Variants in NRXN3 observed in about 807,000 individuals in gnomAD.
NRXN3 encodes neurexin III.
NRXN3 carries 32 observed loss-of-function variants against 137.6 expected under a neutral mutation model. The observed-to-expected ratio is 0.23, with a 90% CI of 0.18 to 0.31. NRXN3 has a LOEUF of 0.31. Among genes scored for constraint, NRXN3 ranks in the 10% least tolerant of loss-of-function variants. The probability of loss-of-function intolerance (pLI) is 1.00; values close to 1 mark genes in which losing one functional copy is unlikely to be tolerated. For synonymous variants in NRXN3, 798 were observed against 784.5 expected (o/e 1.02, Z -0.29); for missense variants, 1,574 against 2,062.5 (o/e 0.76, Z 4.59).
intron 1 of NRXN3, among the ~76,000 whole-genome samples, chr14:78,207,602 C>T (rs967338761): frequency 8.5e-5 from 13 of 152,156 alleles, no homozygotes; most frequent in African/African-American, 2.4e-4. Context: ...CCCAAGTCTG[C>T]GTGTCATCAT....
Position 79,378,902 on chromosome 14 carries a change from C to G in NRXN3, c.3263-88319C>G, listed in dbSNP as rs114824179. On this transcript the variant is annotated intron_variant, in intron 15 of 20. Coordinates refer to ENST00000335750, the MANE Select transcript of NRXN3 (RefSeq NM_001330195.2). ...AAAAAAAAAAAAAAACCCTGAAGAG[C>G]TAAGCTTAAGCCACTATTTAGGCTT... Among the ~76,000 whole-genome samples, 1,011 of 150,490 alleles carry G rather than the reference C, an allele frequency of 6.7e-3. 5 individuals carry two copies. Among genetic ancestry groups the G allele is most frequent in the African/African-American group, 0.023 (962 of 41,076 alleles).
At chr14:78,510,340 C>T (rs2096078865) in intron 4 of NRXN3, among the ~76,000 whole-genome samples, 3 of 151,748 alleles carry the variant, frequency 2.0e-5, no homozygotes, top group African/African-American at 7.3e-5. Flanking sequence ...TTAACATTAC[C>T]AAACTGGTTA....
chr14:78,631,721 C>T (rs2097524486), intron 4 of NRXN3, among the ~76,000 whole-genome samples: 1 of 152,100 alleles, frequency 6.6e-6, no homozygotes, highest in Admixed American at 6.6e-5. Flanking sequence ...GACCTTAGCC[C>T]TCTGGTGTCA....
rs781364148 is a variant in NRXN3, at chr14:78,649,183, G to A, written c.1060-1982G>A. ...CCGACTAATGTACTAACACCCTAACGACTCATCTTTGTTTTTAGTTTTTTT... is the reference window on the plus strand; with the variant it reads ...CCGACTAATGTACTAACACCCTAACAACTCATCTTTGTTTTTAGTTTTTTT... On this transcript the variant is annotated intron_variant, in intron 5 of 20. Coordinates refer to ENST00000335750, the MANE Select transcript of NRXN3 (RefSeq NM_001330195.2). 236 of 892,370 alleles carry A rather than the reference G, an allele frequency of 2.6e-4. 2 individuals carry two copies. The highest frequency in any genetic ancestry group is 3.0e-4 in the South Asian group (22 of 72,324). The allele number at this position is 892,370 out of a possible 1,614,324, so 55.3% of individuals were successfully genotyped here.
At position 79,514,067 on chromosome 14, in the gene NRXN3, T is replaced by C. The variant is rs377025016; in HGVS notation, c.3444+46665T>C. 2.6e-5 allele frequency among the ~76,000 whole-genome samples: 4 copies of C among 152,302 alleles called. No homozygotes were observed. The East Asian group carries it at 5.8e-4, about 22-fold the overall frequency. On this transcript the variant is annotated intron_variant, in intron 16 of 20. Transcript: ENST00000335750. ...ATGCAACCTGCTTCTAAACAAGTGT[T>C]TCTTTCATAGGACTGAATCAGGAAA... is the stretch of plus-strand genomic sequence containing the variant.
intron 16 of NRXN3, among the ~76,000 whole-genome samples, chr14:79,591,910 A>C (rs1352914412): frequency 6.7e-6 from 1 of 148,378 alleles, no homozygotes; most frequent in Non-Finnish European, 1.5e-5. Flanking sequence ...CTTTGGTCTT[A>C]ACTTTTATTT....
chr14:79,393,675 C>T (rs569081446), intron 15 of NRXN3, among the ~76,000 whole-genome samples: 14 of 152,096 alleles, frequency 9.2e-5, no homozygotes, highest in Admixed American at 6.5e-4. Flanking sequence ...ATTAACCGGG[C>T]GTGGTGGCGG....
At chr14:79,272,763 G>A (rs991649274) in intron 15 of NRXN3, among the ~76,000 whole-genome samples, 26 of 152,190 alleles carry the variant, frequency 1.7e-4, no homozygotes, top group Non-Finnish European at 2.9e-5. Flanking sequence ...AGTTGGCTTG[G>A]AGGACATTTA....
intron 2 of NRXN3, among the ~76,000 whole-genome samples, chr14:78,251,714 G>A (rs1223438772): frequency 6.6e-6 from 1 of 152,212 alleles, no homozygotes; most frequent in Non-Finnish European, 1.5e-5. Context: ...AGATGTCTAG[G>A]ATATCCACTG....
chr14:79,165,375 A>G (rs1487084258), intron 15 of NRXN3, among the ~76,000 whole-genome samples: 1 of 152,038 alleles, frequency 6.6e-6, no homozygotes, highest in Non-Finnish European at 1.5e-5. Flanking sequence ...TAGAGGTGTC[A>G]TAACTGTGAA....
At chr14:79,438,944 C>T (rs144867250) in intron 15 of NRXN3, among the ~76,000 whole-genome samples, 8 of 152,362 alleles carry the variant, frequency 5.3e-5, no homozygotes, top group African/African-American at 1.4e-4. Context: ...AAGCCTGTTG[C>T]ACACAGTTTC....
intron 4 of NRXN3, among the ~76,000 whole-genome samples, chr14:78,571,719 C>A (rs780063119): frequency 6.6e-6 from 1 of 152,192 alleles, no homozygotes; most frequent in Non-Finnish European, 1.5e-5. Context: ...TCACGCAACA[C>A]AAAGTGCACG....
At chr14:78,391,618 G>T (rs374449996) in intron 4 of NRXN3, among the ~76,000 whole-genome samples, 6 of 152,126 alleles carry the variant, frequency 3.9e-5, no homozygotes, top group East Asian at 3.9e-4. Flanking sequence ...GTGCTATAAA[G>T]GATTGCTGTA....
chr14:78,377,968 AT>A (rs967189680), intron 4 of NRXN3, among the ~76,000 whole-genome samples: 1 of 152,198 alleles, frequency 6.6e-6, no homozygotes, highest in African/African-American at 2.4e-5. Context: ...CAGAATACAT[AT>A]TTTTTTGCAG....
chr14:78,627,732 A>G (rs1006103585), intron 4 of NRXN3, among the ~76,000 whole-genome samples: 1 of 152,234 alleles, frequency 6.6e-6, no homozygotes, highest in Non-Finnish European at 1.5e-5. Context: ...TTACTTTGGG[A>G]AAGCATGAAA....
intron 10 of NRXN3, among the ~76,000 whole-genome samples, chr14:78,827,081 C>T (rs2098968797): frequency 1.3e-5 from 2 of 152,124 alleles, no homozygotes; most frequent in Non-Finnish European, 2.9e-5. Flanking sequence ...CAAATATTAT[C>T]TTCCTCAGAT....
intron 4 of NRXN3, among the ~76,000 whole-genome samples, chr14:78,387,630 A>C (rs1159833004): frequency 6.6e-6 from 1 of 152,190 alleles, no homozygotes; most frequent in African/African-American, 2.4e-5. Context: ...ACAATCAGTC[A>C]ATGAATAGTG....
intron 4 of NRXN3, among the ~76,000 whole-genome samples, chr14:78,543,859 G>C (rs565817050): frequency 6.6e-6 from 1 of 152,082 alleles, no homozygotes; most frequent in African/African-American, 2.4e-5. Context: ...CAACAAAAAA[G>C]TCAAAGCCGG....
At chr14:78,376,038 T>A (rs980656392) in intron 4 of NRXN3, among the ~76,000 whole-genome samples, 2 of 131,084 alleles carry the variant, frequency 1.5e-5, no homozygotes, top group African/African-American at 3.0e-5. Context: ...ACACACACAC[T>A]CATTCTCCTA....
Sources: allele counts gnomAD v4.1 joint callset (sites outside exome capture counted in the v4.1 genomes callset), GRCh38; gene constraint gnomAD v4.1.1; transcripts MANE v1.5; gene names NCBI Gene and HGNC (gene_info 2026-07-23, HGNC 2026-07-21).